Variants in WDFY4 observed in about 807,000 individuals in gnomAD.
WDFY4 encodes the protein WDFY family member 4.
A neutral mutation model predicts 351.9 loss-of-function variants in WDFY4; 169 were observed. The observed-to-expected ratio is 0.48, with a 90% CI of 0.42 to 0.55. The LOEUF is 0.55. Among genes scored for constraint, WDFY4 ranks in the 20% least tolerant of loss-of-function variants. The pLI is 0.00. For missense variants in WDFY4, 3,803 were observed against 3,935.6 expected (o/e 0.97, Z 0.90); for synonymous variants, 1,622 against 1,574.6 (o/e 1.03, Z -0.71).
intron 47 of WDFY4, among the ~76,000 whole-genome samples, chr10:48,940,903 G>A (rs1000915256): frequency 1.3e-5 from 2 of 152,158 alleles, no homozygotes; most frequent in African/African-American, 4.8e-5. Flanking sequence ...AGTCCACAAT[G>A]GGACTTCTTT....
At position 48,787,893 on chromosome 10, in the gene WDFY4, C is replaced by CCTTCTTCTT. The variant is rs1182060101; in HGVS notation, c.3809-553_3809-545dup. 1.3e-3 allele frequency among the ~76,000 whole-genome samples: 63 copies of CCTTCTTCTT among 48,118 alleles called. 1 individual carries two copies. Among genetic ancestry groups the CCTTCTTCTT allele is most frequent in the Non-Finnish European group, 2.0e-3 (53 of 26,150 alleles). 31.6% of individuals were successfully genotyped at this position (48,118 alleles called of 152,430 possible). On this transcript the variant is annotated intron_variant, in intron 20 of 61. Coordinates refer to ENST00000325239, the MANE Select transcript of WDFY4 (RefSeq NM_001394531.1). ...TTTCTTCTTTCTTTCTTCTTCTTCTCCTTCTTCTTCTTCTTCTTCTTCTTC... is the reference window on the plus strand; with the variant it reads ...TTTCTTCTTTCTTTCTTCTTCTTCTCCTTCTTCTTCTTCTTCTTCTTCTTCTTCTTCTTC...
At chr10:48,857,065 C>T (rs1056571116) in intron 39 of WDFY4, among the ~76,000 whole-genome samples, 2 of 152,200 alleles carry the variant, frequency 1.3e-5, no homozygotes, top group Admixed American at 6.5e-5. Context: ...GCCAAATACT[C>T]ATGCCAATAA....
In WDFY4 at chr10:48,981,488, G is replaced by A; in HGVS notation, c.9488+10G>A. On this transcript the variant is annotated intron_variant, in intron 61 of 61. Transcript: ENST00000325239. ...CTCTGGCCGTGTCCAGGTAAGCGCG[G>A]CCTTGTTTCTCTGGGTCTCCAGCAG... 1.3e-6 allele frequency: 2 copies of A among 1,551,298 alleles called. No homozygotes were observed. The highest frequency in any genetic ancestry group is 1.4e-5 in the African/African-American group (1 of 73,160).
At chr10:48,937,747 G>A (rs1319097663) in intron 47 of WDFY4, among the ~76,000 whole-genome samples, 1 of 152,218 alleles carries the variant, frequency 6.6e-6, no homozygotes, top group Non-Finnish European at 1.5e-5. Flanking sequence ...TGTTCATCCA[G>A]CAGGGTGTCT....
intron 13 of WDFY4, among the ~76,000 whole-genome samples, chr10:48,773,708 A>G (rs2065939468): frequency 6.6e-6 from 1 of 152,116 alleles, no homozygotes; most frequent in South Asian, 2.1e-4. Context: ...GCGGAGGGAG[A>G]TGGCACCCAG....
chr10:48,966,049 T>C (rs911422417), intron 54 of WDFY4, among the ~76,000 whole-genome samples: 1 of 152,102 alleles, frequency 6.6e-6, no homozygotes, highest in Admixed American at 6.5e-5. Flanking sequence ...CCTGTGTTCT[T>C]TGGAATATTT....
intron 39 of WDFY4, among the ~76,000 whole-genome samples, chr10:48,851,780 C>A (rs1256887739): frequency 6.6e-6 from 1 of 152,212 alleles, no homozygotes; most frequent in Non-Finnish European, 1.5e-5. Flanking sequence ...GTGCCCCAGG[C>A]AAAGGTGGGT....
intron 11 of WDFY4, among the ~76,000 whole-genome samples, chr10:48,737,166 C>T (rs114125394): frequency 3.9e-4 from 59 of 152,142 alleles, no homozygotes; most frequent in African/African-American, 1.3e-3. Context: ...TGTGCCACCA[C>T]GCTTGGCTAA....
rs1485564457 is a variant in WDFY4 at position 48,808,004 on chromosome 10, C to T, written c.4838+46C>T. On this transcript the variant is annotated intron_variant, in intron 28 of 61. Coordinates refer to ENST00000325239, the MANE Select transcript of WDFY4 (RefSeq NM_001394531.1). ...CAATTTGGCAGGAGGTTACCTCATACAGGGTGTGGCATTAAACCTTTTCTT... is the reference window on the plus strand; with the variant it reads ...CAATTTGGCAGGAGGTTACCTCATATAGGGTGTGGCATTAAACCTTTTCTT... 2.8e-6 allele frequency: 4 copies of T among 1,431,844 alleles called. No individual in the cohort carries two copies. The East Asian group carries it at 1.0e-4, about 38-fold the overall frequency. The allele number at this position is 1,431,844 out of a possible 1,614,324, so 88.7% of individuals were successfully genotyped here.
chr10:48,947,024 G>A (rs1232717975), intron 51 of WDFY4, 55 bp downstream of exon 51: 141 of 1,098,406 alleles, frequency 1.3e-4, no homozygotes, highest in South Asian at 3.3e-4. Flanking sequence ...ACACACATAC[G>A]CCTGTATCAC....
intron 43 of WDFY4, among the ~76,000 whole-genome samples, chr10:48,887,676 G>A (rs1413155288): frequency 6.6e-6 from 1 of 151,888 alleles, no homozygotes; most frequent in Non-Finnish European, 1.5e-5. Flanking sequence ...CTGCTCAGGA[G>A]ACTGAGGCAG....
chr10:48,968,802 G>A (rs1479143708), intron 55 of WDFY4: 2 of 478,408 alleles, frequency 4.2e-6, no homozygotes, highest in Non-Finnish European at 7.6e-6. Context: ...CTCCCAGAGT[G>A]GAGCTGAGGG....
At chr10:48,786,412 T>G (rs1242213557) in intron 19 of WDFY4, among the ~76,000 whole-genome samples, 1 of 152,236 alleles carries the variant, frequency 6.6e-6, no homozygotes, top group Non-Finnish European at 1.5e-5. Context: ...TTCTTAATAT[T>G]TTTTATCAAA....
chr10:48,935,332 A>G (rs10857661), intron 47 of WDFY4: 61,722 of 152,114 alleles, frequency 0.41, 14,239 homozygotes, highest in Non-Finnish European at 0.52. Flanking sequence ...TAATTTCCCG[A>G]CAGCCTGGCT....
At chr10:48,956,745 C>A (rs965534624) in intron 51 of WDFY4, among the ~76,000 whole-genome samples, 1 of 152,174 alleles carries the variant, frequency 6.6e-6, no homozygotes, top group African/African-American at 2.4e-5. Flanking sequence ...TCTCAGGAGC[C>A]GAGTCCCAGT....
chr10:48,927,370 G>A (rs150014801), intron 47 of WDFY4, among the ~76,000 whole-genome samples: 1 of 152,168 alleles, frequency 6.6e-6, no homozygotes, highest in Non-Finnish European at 1.5e-5. Context: ...CCTATTGTGG[G>A]TGGTGGGGGG....
chr10:48,809,903 C>T lies in WDFY4; in HGVS notation c.4839-627C>T, dbSNP rs546235816. ...ACACAGGTGGAGCCTTCACTTGTTCCCAAAAGTCTGGGTCCTTTGCTGAAC... is the reference window on the plus strand; with the variant it reads ...ACACAGGTGGAGCCTTCACTTGTTCTCAAAAGTCTGGGTCCTTTGCTGAAC... On this transcript the variant is annotated intron_variant, in intron 28 of 61. Transcript: ENST00000325239. Among the ~76,000 whole-genome samples, 4 of 152,302 alleles carry T rather than the reference C, an allele frequency of 2.6e-5. No individual in the cohort carries two copies. The East Asian group carries it at 7.7e-4, about 29-fold the overall frequency.
chr10:48,717,403 A>C (rs2063943409), intron 2 of WDFY4, among the ~76,000 whole-genome samples: 1 of 152,238 alleles, frequency 6.6e-6, no homozygotes, highest in African/African-American at 2.4e-5. Flanking sequence ...AGTAGAAAAA[A>C]TTCAGATCCA....
rs186359285 is a variant in WDFY4 at position 48,724,901 on chromosome 10, G to A, written c.592-980G>A. ...TAGCAATTTTTTAAGTGCTATGTAG[G>A]TAAAGCCAAAGGTATACTGGGCAAT... is the stretch of plus-strand genomic sequence containing the variant. On this transcript the variant is annotated intron_variant, in intron 5 of 61. Transcript: ENST00000325239. 1.8e-3 allele frequency among the ~76,000 whole-genome samples: 277 copies of A among 152,292 alleles called. 4 individuals are homozygous for A. The highest frequency in any genetic ancestry group is 2.7e-3 in the South Asian group (13 of 4,826).
Sources: gnomAD v4.1 joint callset for allele counts (sites outside exome capture counted in the v4.1 genomes callset) on GRCh38, gnomAD v4.1.1 for gene constraint, MANE v1.5 for transcripts, NCBI Gene and HGNC (gene_info 2026-07-23, HGNC 2026-07-21) for gene names.